The following CENATAC variants were observed in gnomAD, a reference collection of about 807,000 sequenced individuals.
CENATAC encodes centrosomal AT-AC splicing factor.
A neutral mutation model predicts 53.7 loss-of-function variants in CENATAC; 53 were observed. That is an observed-to-expected ratio of 0.99 (90% CI 0.79 to 1.24). The LOEUF (loss-of-function observed/expected upper bound fraction) is 1.24. CENATAC is among the 50% of genes most tolerant of loss of function. The pLI, the probability that CENATAC is intolerant of heterozygous loss-of-function variation, is 0.00. For missense variants in CENATAC, 474 were observed against 417.8 expected (o/e 1.13, Z -1.17); for synonymous variants, 156 against 144.6 (o/e 1.08, Z -0.57).
chr11:118,998,300 G>A lies in CENATAC; in HGVS notation c.103G>A (p.Glu35Lys). 1 of 1,607,668 alleles carries A rather than the reference G, an allele frequency of 6.2e-7. No homozygotes were observed. The highest frequency in any genetic ancestry group is 8.5e-7 in the Non-Finnish European group (1 of 1,177,260). Residue 35 changes from glutamate to lysine, a missense_variant, in exon 1 of 11, where the codon GAG becomes AAG. By Grantham distance (56) the Glu-to-Lys change is moderately conservative. Transcript: ENST00000334418. ...CCAGCGGCAGCTGAAGGAGGCTTTGGAGAGGCTCCTGCCCCAGGTGCGGAG... is the reference window on the plus strand; with the variant it reads ...CCAGCGGCAGCTGAAGGAGGCTTTGAAGAGGCTCCTGCCCCAGGTGCGGAG... ...KHQRQLKEAL[E>K]RLLPQVEAAR... is the part of the protein sequence containing the mutation.
chr11:119,014,867 A>C, intron 8 of CENATAC, 127 bp from the exon 9 acceptor site: 2 of 612,810 alleles, frequency 3.3e-6, no homozygotes, highest in Non-Finnish European at 5.6e-6. Flanking sequence ...AAAGCTCCAG[A>C]ATTCCTGGGC....
chr11:119,008,366 T>C (rs142046518), intron 3 of CENATAC, among the ~76,000 whole-genome samples: 2 of 152,308 alleles, frequency 1.3e-5, no homozygotes, highest in Non-Finnish European at 1.5e-5. Context: ...ACAAATTACA[T>C]GTGAGCAAAA....
At position 118,998,569 on chromosome 11, in the gene CENATAC, G is replaced by C. The variant is rs1166977129; in HGVS notation, c.260G>C (p.Gly87Ala). ...LSHGNLTVLY[G>A]GLLEHLASPE... ...CATGGAAACCTGACGGTGCTGTACG[G>C]GGGGCTGCTGGAGCATCTGGCCAGG... is the stretch of plus-strand genomic sequence containing the variant. The change falls in exon 2 of 11, where the codon GGG becomes GCG. Residue 87 changes from glycine (G) to alanine (A), a missense_variant. Physicochemically the swap from Gly to Ala is moderately conservative, Grantham distance 60. Coordinates refer to ENST00000334418, the MANE Select transcript of CENATAC (RefSeq NM_198489.3). 2 of 1,571,912 alleles carry C rather than the reference G, an allele frequency of 1.3e-6. No individual in the cohort carries two copies. The highest frequency in any genetic ancestry group is 1.2e-5 in the South Asian group (1 of 86,510).
chr11:119,015,263 ATTC>A lies in CENATAC; in HGVS notation c.806-40_806-38del, dbSNP rs782423287. On this transcript the variant is annotated intron_variant, in intron 9 of 10. Transcript: ENST00000334418. ...CAACATAGTGAGACCCCATCTCTAT[ATTC>A]TTCAATAAAGAAAAATAAAAGTTTC... is the stretch of plus-strand genomic sequence containing the variant. 6 of 1,562,668 alleles carry A rather than the reference ATTC, an allele frequency of 3.8e-6. No individual in the cohort carries two copies. In the African/African-American group the frequency reaches 8.3e-5, roughly 22 times the overall value.
intron 3 of CENATAC, chr11:119,005,742 A>G (rs1028031380): frequency 1.6e-4 from 24 of 151,952 alleles, no homozygotes; most frequent in Admixed American, 1.2e-3. Flanking sequence ...GTTAGTCTAC[A>G]GAAAGTCTAG....
intron 3 of CENATAC, among the ~76,000 whole-genome samples, chr11:119,001,462 G>GCTCAA (rs1942293643): frequency 6.6e-6 from 1 of 151,956 alleles, no homozygotes; most frequent in African/African-American, 2.4e-5. Context: ...TGCGATCTCG[G>GCTCAA]CTCACTGCAA....
At chr11:119,003,605 A>T in intron 3 of CENATAC, 1 of 184,572 alleles carries the variant, frequency 5.4e-6, no homozygotes. Flanking sequence ...GCCAATAATT[A>T]GAAATATTTC....
At chr11:119,003,290 C>T (rs1458047793) in intron 3 of CENATAC, 7 of 526,232 alleles carry the variant, frequency 1.3e-5, no homozygotes, top group South Asian at 2.8e-5. Flanking sequence ...GCACTGCCTC[C>T]GGAGTCGCAA....
chr11:119,013,181 T>TA (rs782137880), intron 7 of CENATAC, 51 bp from the exon 8 acceptor site: 4 of 1,418,746 alleles, frequency 2.8e-6, no homozygotes, highest in Admixed American at 4.3e-5. Context: ...TTTTTTTTTT[T>TA]AATCATGCCT....
At chr11:119,013,462 ATTTTTT>A (rs34471457) in intron 8 of CENATAC, among the ~76,000 whole-genome samples, 200 bp downstream of exon 8, 5 of 126,616 alleles carry the variant, frequency 3.9e-5, no homozygotes, top group African/African-American at 6.1e-5. Flanking sequence ...CACCCAGCTA[ATTTTTT>A]TTTTTTTTTT....
intron 3 of CENATAC, among the ~76,000 whole-genome samples, chr11:119,001,276 T>G (rs1252408832): frequency 6.6e-6 from 1 of 152,244 alleles, no homozygotes; most frequent in Non-Finnish European, 1.5e-5. Context: ...AGTTGTAGTT[T>G]GGATTATAAT....
intron 4 of CENATAC, 152 bp downstream of exon 4, chr11:119,010,982 C>G: frequency 1.4e-6 from 1 of 714,636 alleles, no homozygotes; most frequent in African/African-American, 1.8e-5. Flanking sequence ...ATAAGGAGCA[C>G]GCAACCTAGA....
In CENATAC at chr11:119,015,787, C is replaced by CCAT; in HGVS notation, c.*190_*192dup. 3 of 1,361,504 alleles carry CCAT rather than the reference C, an allele frequency of 2.2e-6. No homozygotes were observed. Among genetic ancestry groups the CCAT allele is most frequent in the Non-Finnish European group, 3.1e-6 (3 of 957,716 alleles). 84.3% of individuals were successfully genotyped at this position (1,361,504 alleles called of 1,614,324 possible). A position where few individuals can be genotyped will look rare whatever the true frequency, so the allele number is the denominator to read the frequency against. ...TAAAAAAAAATTAAAAGAATCAGAA[C>CCAT]CATAAAGCTTTGTATCTACCTCCTA... is the stretch of plus-strand genomic sequence containing the variant. On this transcript the variant is annotated 3_prime_UTR_variant, in exon 11 of 11. Coordinates refer to ENST00000334418, the MANE Select transcript of CENATAC (RefSeq NM_198489.3).
chr11:119,010,943 C>A, intron 4 of CENATAC, 113 bp downstream of exon 4: 1 of 857,338 alleles, frequency 1.2e-6, no homozygotes, highest in Non-Finnish European at 1.9e-6. Flanking sequence ...GAGACTGCTC[C>A]ACCTCAGATC....
intron 3 of CENATAC, chr11:119,001,668 T>G (rs1286543533): frequency 4.4e-6 from 2 of 456,260 alleles, no homozygotes; most frequent in Admixed American, 2.3e-5. Flanking sequence ...CAAAAAAATT[T>G]TCAAGTGAAC....
rs370672849 is a variant in CENATAC, at chr11:119,015,304, C to A, written c.806-3C>A. On this transcript the variant is annotated splice_region_variant and splice_polypyrimidine_tract_variant and intron_variant, in intron 9 of 10. Coordinates refer to ENST00000334418, the MANE Select transcript of CENATAC (RefSeq NM_198489.3). ...AAATAAAAGTTTCCCTATCATTGTA[C>A]AGAGGAAAAACAGAAGTTGAAAAAA... The A allele has an allele frequency of 6.2e-7, 1 of 1,608,614 alleles. No homozygotes were observed. Among genetic ancestry groups the A allele is most frequent in the African/African-American group, 1.3e-5 (1 of 74,412 alleles).
chr11:119,015,408 G>C lies in CENATAC; in HGVS notation c.907G>C (p.Val303Leu). The stretch of plus-strand genomic sequence containing the variant: ...AGGCTGGCTGCCCTCTTTTGGCCGC[G>C]TCTGGAATAATGGACGCCGCTGGCA... The part of the protein sequence containing the change: ...SAGWLPSFGR[V>L]WNNGRRWQSR... The change falls in exon 10 of 11, where the codon GTC becomes CTC. Residue 303 changes from valine (V) to leucine (L), a missense_variant. By Grantham distance (32) the Val-to-Leu change is conservative. Coordinates refer to ENST00000334418, the MANE Select transcript of CENATAC (RefSeq NM_198489.3). 1 of 1,614,170 alleles carries C rather than the reference G, an allele frequency of 6.2e-7. No individual in the cohort carries two copies.
At chr11:119,008,987 A>G (rs1006182190) in intron 3 of CENATAC, among the ~76,000 whole-genome samples, 2 of 149,948 alleles carry the variant, frequency 1.3e-5, no homozygotes, top group African/African-American at 4.9e-5. Flanking sequence ...GGCTGGGTCA[A>G]AGTGGCTGGG....
chr11:118,998,311 G>GC lies in CENATAC; in HGVS notation c.118dup (p.Gln40ProfsTer33). ...TGAAGGAGGCTTTGGAGAGGCTCCT[G>GC]CCCCAGGTGCGGAGGCAAGGCTAGA... On this transcript the variant is annotated frameshift_variant, in exon 1 of 11. Transcript: ENST00000334418. LOFTEE classifies it high-confidence loss of function. The GC allele has an allele frequency of 1.2e-6, 2 of 1,609,152 alleles. No homozygotes were observed. Among genetic ancestry groups the GC allele is most frequent in the Non-Finnish European group, 1.7e-6 (2 of 1,177,906 alleles).
Sources: gnomAD v4.1 joint callset for allele counts (sites outside exome capture counted in the v4.1 genomes callset) on GRCh38, gnomAD v4.1.1 for gene constraint, MANE v1.5 for transcripts, NCBI Gene and HGNC (gene_info 2026-07-23, HGNC 2026-07-21) for gene names.